Variants in CNNM4 observed in about 807,000 individuals in gnomAD.
CNNM4 encodes metal transporter CNNM4.
A neutral mutation model predicts 53.7 loss-of-function variants in CNNM4; 32 were observed. The ratio of observed to expected loss-of-function variants is 0.60; its 90% confidence interval spans 0.45 to 0.80. The LOEUF (loss-of-function observed/expected upper bound fraction) is 0.80, where lower values mean the gene tolerates loss of function less well. Ranked by LOEUF, CNNM4 falls within the 30% of genes least tolerant of loss-of-function variation. The pLI, the probability that CNNM4 is intolerant of heterozygous loss-of-function variation, is 0.00. For synonymous variants in CNNM4, 410 were observed against 440.0 expected (o/e 0.93, Z 0.85); for missense variants, 784 against 1,022.0 (o/e 0.77, Z 3.17).
chr2:96,772,147 A>G (rs1378392133), intron 1 of CNNM4, among the ~76,000 whole-genome samples: 1 of 151,876 alleles, frequency 6.6e-6, no homozygotes, highest in Non-Finnish European at 1.5e-5. Context: ...GGCCACTCCC[A>G]CACATGTGCA....
intron 5 of CNNM4, among the ~76,000 whole-genome samples, chr2:96,806,170 G>T (rs1053121299): frequency 6.6e-6 from 1 of 151,938 alleles, no homozygotes; most frequent in African/African-American, 2.4e-5. Context: ...GGCTGGCCGG[G>T]CGGGGGGCTG....
intron 5 of CNNM4, among the ~76,000 whole-genome samples, chr2:96,799,912 G>C (rs1320836997): frequency 6.6e-6 from 1 of 152,216 alleles, no homozygotes; most frequent in Non-Finnish European, 1.5e-5. Flanking sequence ...GCAGCGGAGG[G>C]CATGTCCAGA....
intron 1 of CNNM4, among the ~76,000 whole-genome samples, chr2:96,775,831 T>C (rs1391337887): frequency 6.6e-6 from 1 of 152,096 alleles, no homozygotes; most frequent in African/African-American, 2.4e-5. Context: ...GCTCAAGCAG[T>C]CCTCCCACCT....
rs1472169946 is a variant in CNNM4, at chr2:96,762,040, G to C, written c.1041G>C (p.Val347=). ...NREKLMEMLK[V]TEPYNDLVKE... ...AGAAGCTGATGGAGATGTTGAAGGT[G>C]ACGGAGCCCTATAATGACCTCGTGA... Residue 347 remains valine, a synonymous_variant, in exon 1 of 7, where the codon GTG becomes GTC. Coordinates refer to ENST00000377075, the MANE Select transcript of CNNM4 (RefSeq NM_020184.4). The C allele has an allele frequency of 5.6e-6, 9 of 1,614,150 alleles. No homozygotes were observed. Among genetic ancestry groups the C allele is most frequent in the Non-Finnish European group, 6.8e-6 (8 of 1,180,042 alleles).
intron 1 of CNNM4, chr2:96,788,659 T>A (rs1302157554): frequency 6.6e-6 from 1 of 152,486 alleles, no homozygotes; most frequent in Non-Finnish European, 1.5e-5. Context: ...TGCTCAGCTA[T>A]CTGCAGGTGT....
intron 1 of CNNM4, among the ~76,000 whole-genome samples, chr2:96,776,289 A>G (rs1574061285): frequency 6.6e-6 from 1 of 151,924 alleles, no homozygotes; most frequent in East Asian, 1.9e-4. Context: ...CGGCCTCCGA[A>G]AGTGCTGGGA....
At chr2:96,781,214 C>T (rs948641889) in intron 1 of CNNM4, among the ~76,000 whole-genome samples, 5 of 151,886 alleles carry the variant, frequency 3.3e-5, no homozygotes, top group South Asian at 2.1e-4. Flanking sequence ...CTCCTGACCT[C>T]GTGATCCACC....
At position 96,801,219 on chromosome 2, in the gene CNNM4, C is replaced by T. The variant is rs934993550; in HGVS notation, c.1948+1571C>T. On this transcript the variant is annotated intron_variant, in intron 5 of 6. Transcript: ENST00000377075. This position sits in a 1 kb window ranked among gnomAD's most constrained non-coding sequence, Gnocchi z 5.6. ...CTGCATTAACCTCCCCACATGGACC[C>T]GGACCCCCGCCTGCTCAATGTGGGC... The T allele has an allele frequency of 6.8e-6, 5 of 739,564 alleles. No homozygotes were observed. The highest frequency in any genetic ancestry group is 1.9e-5 in the African/African-American group (1 of 52,554). The allele number at this position is 739,564 out of a possible 1,614,324, so 45.8% of individuals were successfully genotyped here.
intron 1 of CNNM4, among the ~76,000 whole-genome samples, chr2:96,773,028 C>G (rs1306981163): frequency 2.6e-5 from 4 of 152,220 alleles, no homozygotes; most frequent in Non-Finnish European, 5.9e-5. Flanking sequence ...ATGTTCACAC[C>G]CACCTGCTAA....
At chr2:96,778,943 G>A (rs1281834186) in intron 1 of CNNM4, among the ~76,000 whole-genome samples, 1 of 151,844 alleles carries the variant, frequency 6.6e-6, no homozygotes, top group African/African-American at 2.4e-5. Flanking sequence ...GTGAGACTGG[G>A]TGATTTATTT....
chr2:96,786,325 A>G (rs1260714886), intron 1 of CNNM4, among the ~76,000 whole-genome samples: 1 of 151,204 alleles, frequency 6.6e-6, no homozygotes, highest in Non-Finnish European at 1.5e-5. Context: ...GAGGCAGGAG[A>G]ATTGCTTGAA....
chr2:96,788,590 A>G (rs1294361355), intron 1 of CNNM4: 1 of 152,232 alleles, frequency 6.6e-6, no homozygotes, highest in Non-Finnish European at 1.5e-5. Flanking sequence ...TAGCCAGCTT[A>G]ATCCTGCGGG....
intron 1 of CNNM4, among the ~76,000 whole-genome samples, chr2:96,764,105 A>G (rs1374644167): frequency 1.3e-5 from 2 of 152,002 alleles, no homozygotes; most frequent in Non-Finnish European, 2.9e-5. Flanking sequence ...GGTTTGTGAC[A>G]CACCCAGTAG....
intron 1 of CNNM4, among the ~76,000 whole-genome samples, chr2:96,775,059 A>G (rs966511990): frequency 7.0e-6 from 1 of 143,666 alleles, no homozygotes; most frequent in Non-Finnish European, 1.5e-5. Flanking sequence ...ATGTACTGTC[A>G]GTTTTAGATT....
Position 96,808,571 on chromosome 2 carries a change from A to T in CNNM4, c.1959A>T (p.Pro653=). 1 of 1,613,970 alleles carries T rather than the reference A, an allele frequency of 6.2e-7. No individual in the cohort carries two copies. Among genetic ancestry groups the T allele is most frequent in the Non-Finnish European group, 8.5e-7 (1 of 1,179,990 alleles). Residue 653 remains proline, a synonymous_variant, in exon 6 of 7, where the codon CCA becomes CCT. Coordinates refer to ENST00000377075, the MANE Select transcript of CNNM4 (RefSeq NM_020184.4). This position sits in a 1 kb window ranked among gnomAD's most constrained non-coding sequence, Gnocchi z 4.9. ...ALTSVPSDRS[P]AHPTPLSRSA... is the part of the protein sequence containing the mutation. ...CTGCTCTCCCTGCAGACCGTTCCCC[A>T]GCACACCCCACCCCACTCAGCCGCT... is the stretch of plus-strand genomic sequence containing the variant.
rs2153341562 is a variant in CNNM4, at chr2:96,761,481, T to C, written c.482T>C (p.Leu161Pro). The C allele has an allele frequency of 6.2e-7, 1 of 1,614,112 alleles. No individual in the cohort carries two copies. Residue 161 changes from leucine (L) to proline (P), a missense_variant, in exon 1 of 7, where the codon CTG becomes CCG. By Grantham distance (98) the Leu-to-Pro change is moderately conservative. This residue lies in a region of CNNM4 where 473 missense variants were observed against 624.6 expected (regional missense o/e 0.76). Transcript: ENST00000377075. This position sits in a 1 kb window ranked among gnomAD's most constrained non-coding sequence, Gnocchi z 6.0. ...CTRAQPDGPW[L>P]KWTDKDSLLF... ...CGGGCCCAGCCCGACGGGCCCTGGC[T>C]GAAGTGGACGGACAAGGACTCACTG... is the stretch of plus-strand genomic sequence containing the variant.
At chr2:96,806,553 G>GCA (rs1340550592) in intron 5 of CNNM4, among the ~76,000 whole-genome samples, 9 of 148,684 alleles carry the variant, frequency 6.1e-5, no homozygotes, top group Middle Eastern at 6.4e-3. Flanking sequence ...GCGCGCGCGC[G>GCA]CCCTTAGTTA....
Position 96,810,584 on chromosome 2 carries a change from A to G in CNNM4, c.*1067A>G, listed in dbSNP as rs894059137. On this transcript the variant is annotated 3_prime_UTR_variant, in exon 7 of 7. Transcript: ENST00000377075. This position sits in a 1 kb window ranked among gnomAD's most constrained non-coding sequence, Gnocchi z 4.1. ...TTGTTGACTGAAGCCTTTTTCCCAG[A>G]CCCCTTATTTCGAATCCCCAAGCTT... 6.6e-6 allele frequency: 1 copy of G among 151,566 alleles called. No individual in the cohort carries two copies. The highest frequency in any genetic ancestry group is 1.5e-5 in the Non-Finnish European group (1 of 67,830). The allele number at this position is 151,566 out of a possible 1,614,324, so 9.4% of individuals were successfully genotyped here.
At chr2:96,762,893 TG>T (rs949536440) in intron 1 of CNNM4, among the ~76,000 whole-genome samples, 1 of 152,092 alleles carries the variant, frequency 6.6e-6, no homozygotes, top group African/African-American at 2.4e-5. Flanking sequence ...AGTGTGCTTG[TG>T]GCCCAGCAGG....
Sources: allele counts gnomAD v4.1 joint callset (sites outside exome capture counted in the v4.1 genomes callset), GRCh38; gene constraint gnomAD v4.1.1; regional missense constraint gnomAD v4.1.1; non-coding constraint Gnocchi (gnomAD v3.1); transcripts MANE v1.5; gene names NCBI Gene and HGNC (gene_info 2026-07-23, HGNC 2026-07-21).